ASTN2: variants seen among roughly 807,000 people sequenced by gnomAD.
The protein encoded by ASTN2 is astrotactin 2, also known as astrotactin-2.
In ASTN2, 54 loss-of-function variants were observed where a neutral mutation model predicts 139.8. The ratio of observed to expected loss-of-function variants is 0.39; its 90% confidence interval spans 0.31 to 0.48. The LOEUF is 0.48. Ranked by LOEUF, ASTN2 falls within the 20% of genes least tolerant of loss-of-function variation. The pLI, the probability that ASTN2 is intolerant of heterozygous loss-of-function variation, is 0.95. For synonymous variants in ASTN2, 756 were observed against 719.5 expected, an observed-to-expected ratio of 1.05 and a Z score of -0.81; for missense variants, 1,565 against 1,725.1, an observed-to-expected ratio of 0.91 and a Z score of 1.64.
chr9:117,167,828 T>A (rs1830703270), intron 3 of ASTN2, among the ~76,000 whole-genome samples: 1 of 152,110 alleles, frequency 6.6e-6, no homozygotes, highest in South Asian at 2.1e-4. Flanking sequence ...TCTGATGTTA[T>A]CTGGGATGTC....
intron 3 of ASTN2, among the ~76,000 whole-genome samples, chr9:117,195,275 T>C (rs1253162966): frequency 1.3e-5 from 2 of 151,952 alleles, no homozygotes; most frequent in Admixed American, 6.6e-5. Context: ...CCCTGACAGA[T>C]TGGGGAAGGA....
intron 11 of ASTN2, among the ~76,000 whole-genome samples, chr9:116,837,673 G>A (rs1416976937): frequency 7.8e-6 from 1 of 128,394 alleles, no homozygotes; most frequent in African/African-American, 3.0e-5. Context: ...AGGTCTAGAA[G>A]GTGGGCCAGC....
At chr9:116,694,763 G>A (rs565126602) in intron 16 of ASTN2, among the ~76,000 whole-genome samples, 111 of 151,622 alleles carry the variant, frequency 7.3e-4, no homozygotes, top group African/African-American at 2.5e-3. Flanking sequence ...GAGCCACCAC[G>A]CCTGGCCCTG....
intron 6 of ASTN2, among the ~76,000 whole-genome samples, chr9:117,016,983 TG>T (rs1351235131): frequency 1.3e-5 from 2 of 151,840 alleles, no homozygotes; most frequent in African/African-American, 4.8e-5. Context: ...GAAAACACGT[TG>T]CCACAGAATT....
chr9:116,774,865 C>T (rs1266562931), intron 13 of ASTN2, among the ~76,000 whole-genome samples: 1 of 151,840 alleles, frequency 6.6e-6, no homozygotes, highest in Non-Finnish European at 1.5e-5. Flanking sequence ...TACCCAGCCT[C>T]CAGCAAACTC....
intron 19 of ASTN2, among the ~76,000 whole-genome samples, chr9:116,511,512 C>T (rs1208760776): frequency 6.6e-6 from 1 of 152,106 alleles, no homozygotes; most frequent in Non-Finnish European, 1.5e-5. Context: ...ATGATGCTGG[C>T]CTCGTAAAAT....
At chr9:117,252,211 CA>C (rs1372059509) in intron 2 of ASTN2, among the ~76,000 whole-genome samples, 3 of 152,144 alleles carry the variant, frequency 2.0e-5, no homozygotes, top group Admixed American at 1.3e-4. Flanking sequence ...GCCTGAGCAC[CA>C]AGGGACAGTA....
Position 116,699,568 on chromosome 9 carries a change from G to C in ASTN2, c.2806+26203C>G. 1 of 1,614,208 alleles carries C rather than the reference G, an allele frequency of 6.2e-7. No individual in the cohort carries two copies. The highest frequency in any genetic ancestry group is 1.7e-5 in the Admixed American group (1 of 60,032). ...CATTTTCCTAAGGGTGGGGGCTATA[G>C]TGTCCTTATTCGAGAGGGACTTACC... On this transcript the variant is annotated intron_variant, in intron 16 of 22. Transcript: ENST00000313400. This position sits in a 1 kb window ranked among gnomAD's most constrained non-coding sequence, Gnocchi z 4.2.
chr9:116,863,725 G>A lies in ASTN2; in HGVS notation c.1898C>T (p.Ala633Val), dbSNP rs752461666. 2.5e-6 allele frequency: 4 copies of A among 1,611,866 alleles called. No individual in the cohort carries two copies. The highest frequency in any genetic ancestry group is 3.4e-6 in the Non-Finnish European group (4 of 1,178,716). Residue 633 changes from alanine to valine, a missense_variant, in exon 11 of 23, where the codon GCG becomes GTG. By Grantham distance (64) the Ala-to-Val change is moderately conservative (BLOSUM62 0). This residue lies in a region of ASTN2 where 503 missense variants were observed against 591.7 expected (regional missense o/e 0.85). Transcript: ENST00000313400. Reference sequence around the variant, plus strand: ...GGTTTCAAAGTATGTGGACAGCATCGCTTCTTCCCTTGGAGAGAAAGGGGA... The same window carrying A: ...GGTTTCAAAGTATGTGGACAGCATCACTTCTTCCCTTGGAGAGAAAGGGGA... ...TEDPADVREE[A>V]MLSTYFETIN...
rs1355705167 is a variant in ASTN2, at chr9:117,303,564, C to T, written c.443-12051G>A. ...GCAGCCAAACCAGGACAACTGAGCT[C>T]TCCTGTGCCTTGTCTATCTCTGCTC... On this transcript the variant is annotated intron_variant, in intron 1 of 22. Coordinates refer to ENST00000313400, the MANE Select transcript of ASTN2 (RefSeq NM_001365068.1). Among the ~76,000 whole-genome samples the T allele has an allele frequency of 3.3e-5, 5 of 152,188 alleles. No homozygotes were observed. The East Asian group carries it at 9.6e-4, about 29-fold the overall frequency.
At position 116,868,659 on chromosome 9, in the gene ASTN2, C is replaced by T. The variant is rs374660208; in HGVS notation, c.1890-4926G>A. 4.6e-5 allele frequency among the ~76,000 whole-genome samples: 7 copies of T among 152,318 alleles called. No individual in the cohort carries two copies. The East Asian group carries it at 7.7e-4, about 17-fold the overall frequency. On this transcript the variant is annotated intron_variant, in intron 10 of 22. Transcript: ENST00000313400. ...GTACCATGAATCAGGTGACTTAAAA[C>T]AACAGAAATTTATTCTCTCGCCATT...
intron 1 of ASTN2, among the ~76,000 whole-genome samples, chr9:117,297,842 C>T (rs1834774426): frequency 6.6e-6 from 1 of 152,196 alleles, no homozygotes; most frequent in Non-Finnish European, 1.5e-5. Flanking sequence ...ATTTCCCAAC[C>T]TCATCCTCCT....
intron 13 of ASTN2, among the ~76,000 whole-genome samples, chr9:116,754,522 C>A (rs1410732814): frequency 6.6e-6 from 1 of 152,170 alleles, no homozygotes; most frequent in African/African-American, 2.4e-5. Context: ...GTGATGTCCA[C>A]CTATTTTTGT....
chr9:116,571,071 G>C lies in ASTN2; in HGVS notation c.3355+47253C>G, dbSNP rs140482580. Among the ~76,000 whole-genome samples, 181 of 152,286 alleles carry C rather than the reference G, an allele frequency of 1.2e-3. 1 individual carries two copies. The highest frequency in any genetic ancestry group is 6.8e-3 in the Middle Eastern group (2 of 294). ...CACAGGTCAGGATTAAATGAGATGG[G>C]GAAGATTGGAGCTGATCTCCCTGGA... On this transcript the variant is annotated intron_variant, in intron 19 of 22. Transcript: ENST00000313400.
In ASTN2 at chr9:117,142,302, C is replaced by T. The variant is rs553520853; in HGVS notation, c.1016-824G>A. Among the ~76,000 whole-genome samples, 8 of 152,206 alleles carry T rather than the reference C, an allele frequency of 5.3e-5. No homozygotes were observed. The East Asian group carries it at 1.4e-3, about 26-fold the overall frequency. ...CTAACTAAAGTATGGAGAATGCAAACTGAAGGAGGAAAGGAGGCCTGGACT... is the reference window on the plus strand; with the variant it reads ...CTAACTAAAGTATGGAGAATGCAAATTGAAGGAGGAAAGGAGGCCTGGACT... On this transcript the variant is annotated intron_variant, in intron 3 of 22. Coordinates refer to ENST00000313400, the MANE Select transcript of ASTN2 (RefSeq NM_001365068.1).
At chr9:117,350,405 C>T (rs1829349705) in intron 1 of ASTN2, among the ~76,000 whole-genome samples, 1 of 151,880 alleles carries the variant, frequency 6.6e-6, no homozygotes, top group African/African-American at 2.4e-5. Context: ...AAAAAATTAG[C>T]CAAGCGTGGT....
At chr9:116,633,134 A>C (rs1407926963) in intron 17 of ASTN2, among the ~76,000 whole-genome samples, 1 of 152,236 alleles carries the variant, frequency 6.6e-6, no homozygotes, top group Admixed American at 6.5e-5. Flanking sequence ...CACTAAGCTG[A>C]GAGCAATTGT....
At chr9:116,518,975 A>C (rs1850760436) in intron 19 of ASTN2, among the ~76,000 whole-genome samples, 1 of 152,138 alleles carries the variant, frequency 6.6e-6, no homozygotes, top group African/African-American at 2.4e-5. Context: ...ATATATATGC[A>C]CCTAATACTG....
chr9:116,837,022 G>A (rs1832019981), intron 11 of ASTN2, among the ~76,000 whole-genome samples: 1 of 152,106 alleles, frequency 6.6e-6, no homozygotes, highest in Admixed American at 6.5e-5. Flanking sequence ...GGCACCTGGA[G>A]TTTATTCTAA....
Sources: gnomAD v4.1 joint callset for allele counts (sites outside exome capture counted in the v4.1 genomes callset) on GRCh38, gnomAD v4.1.1 for gene constraint, gnomAD v4.1.1 regional missense constraint, Gnocchi (gnomAD v3.1) non-coding constraint, MANE v1.5 for transcripts, NCBI Gene and HGNC (gene_info 2026-07-23, HGNC 2026-07-21) for gene names.